Variants in MTMR9 observed in about 807,000 individuals in gnomAD.
MTMR9 encodes the protein myotubularin-related protein 9.
Under a neutral mutation model 69.5 loss-of-function variants are expected in MTMR9, and 39 were observed. The ratio of observed to expected loss-of-function variants is 0.56; its 90% CI spans 0.43 to 0.73. The LOEUF (loss-of-function observed/expected upper bound fraction) is 0.73. MTMR9 is among the 30% of genes least tolerant of loss of function. The probability of loss-of-function intolerance (pLI) is 0.00; values close to 1 mark genes in which losing one functional copy is unlikely to be tolerated. For synonymous variants in MTMR9, 354 were observed against 240.8 expected, an observed-to-expected ratio of 1.47 and a Z score of -4.35; for missense variants, 900 against 671.2, an observed-to-expected ratio of 1.34 and a Z score of -3.77.
rs1322519192 is a variant in MTMR9, at chr8:11,323,489, A to G, written c.*701A>G. On this transcript the variant is annotated 3_prime_UTR_variant, in exon 10 of 10. Transcript: ENST00000221086. ...GACACTAAAAGTATGTGCAATATAC[A>G]ATTAAAGTAGGAATTTGTTACTGAT... 2.0e-5 allele frequency: 3 copies of G among 152,272 alleles called. No homozygotes were observed. The highest frequency in any genetic ancestry group is 2.4e-5 in the African/African-American group (1 of 41,478). 9.4% of individuals were successfully genotyped at this position (152,272 alleles called of 1,614,324 possible).
At chr8:11,331,484 C>T (rs148633429), downstream of MTMR9, 56 of 1,613,832 alleles carry the variant, frequency 3.5e-5, no homozygotes, top group East Asian at 4.0e-4. Context: ...AGGTGGTGCC[C>T]GCTGGCAACG....
intron 3 of MTMR9, among the ~76,000 whole-genome samples, chr8:11,302,382 T>A (rs902914248): frequency 2.7e-5 from 4 of 150,264 alleles, no homozygotes; most frequent in Non-Finnish European, 5.9e-5. Context: ...ACCCTTAAGC[T>A]GAGGTATCCC....
rs1419642305 is a variant in MTMR9, at chr8:11,327,694, A to G, written c.*4906A>G. The G allele has an allele frequency of 6.6e-6, 1 of 152,636 alleles. No homozygotes were observed. Among genetic ancestry groups the G allele is most frequent in the African/African-American group, 2.4e-5 (1 of 41,450 alleles). 9.5% of individuals were successfully genotyped at this position (152,636 alleles called of 1,614,324 possible). A position where few individuals can be genotyped will look rare whatever the true frequency, so the allele number is the denominator to read the frequency against. On this transcript the variant is annotated 3_prime_UTR_variant, in exon 10 of 10. Transcript: ENST00000221086. The stretch of plus-strand genomic sequence containing the variant: ...GAATGTGACTCTTGGATTTAAGTGC[A>G]CTATTATTCATGGCTTATACAATAA...
intron 5 of MTMR9, among the ~76,000 whole-genome samples, chr8:11,309,242 G>A (rs529154366): frequency 2.1e-4 from 32 of 152,238 alleles, no homozygotes; most frequent in Non-Finnish European, 3.8e-4. Flanking sequence ...GTCATGAAAC[G>A]CAGGGCTCTG....
In MTMR9 at chr8:11,324,256, A is replaced by C. The variant is rs1404544205; in HGVS notation, c.*1468A>C. ...CACTGAGAAGCCTTTGAAAATGGCAAATACTTTTCATCACCAATTGCCCAA... is the reference window on the plus strand; with the variant it reads ...CACTGAGAAGCCTTTGAAAATGGCACATACTTTTCATCACCAATTGCCCAA... On this transcript the variant is annotated 3_prime_UTR_variant, in exon 10 of 10. Transcript: ENST00000221086. 1 of 152,342 alleles carries C rather than the reference A, an allele frequency of 6.6e-6. No homozygotes were observed. The highest frequency in any genetic ancestry group is 1.9e-4 in the East Asian group (1 of 5,190). 9.4% of individuals were successfully genotyped at this position (152,342 alleles called of 1,614,324 possible).
downstream of MTMR9, among the ~76,000 whole-genome samples, chr8:11,329,815 G>A (rs1321512779): frequency 6.7e-6 from 1 of 149,654 alleles, no homozygotes; most frequent in African/African-American, 2.5e-5. Flanking sequence ...CGGCTGCCCA[G>A]TCTGGGAAGT....
rs1220339710 is a variant in MTMR9 at position 11,316,747 on chromosome 8, A to AT, written c.1191dup (p.Leu398SerfsTer19). ...CCAAGCAGAAGTGGGAGGCTCCTGT[A>AT]TTTCTTCTCTTCTTGGACTGCGTGT... is the stretch of plus-strand genomic sequence containing the variant. On this transcript the variant is annotated frameshift_variant, in exon 8 of 10. Coordinates refer to ENST00000221086, the MANE Select transcript of MTMR9 (RefSeq NM_015458.4). LOFTEE classifies it high-confidence loss of function. 1 of 1,613,388 alleles carries AT rather than the reference A, an allele frequency of 6.2e-7. No homozygotes were observed. The highest frequency in any genetic ancestry group is 1.3e-5 in the African/African-American group (1 of 74,716).
chr8:11,308,621 C>T lies in MTMR9; in HGVS notation c.810-906C>T, dbSNP rs567006117. On this transcript the variant is annotated intron_variant, in intron 5 of 9. Coordinates refer to ENST00000221086, the MANE Select transcript of MTMR9 (RefSeq NM_015458.4). Reference sequence around the variant, plus strand: ...ATCCATTTCTTCTAGATTATCCAGTCAATTTGTTAATGTGTAATTGTTCAC... The same window carrying T: ...ATCCATTTCTTCTAGATTATCCAGTTAATTTGTTAATGTGTAATTGTTCAC... Among the ~76,000 whole-genome samples the T allele has an allele frequency of 2.6e-5, 4 of 152,244 alleles. No homozygotes were observed. In the East Asian group the frequency reaches 7.7e-4, roughly 29 times the overall value.
At position 11,319,735 on chromosome 8, in the gene MTMR9, T is replaced by TA; in HGVS notation, c.1385dup (p.Asn462LysfsTer5). 1 of 1,614,218 alleles carries TA rather than the reference T, an allele frequency of 6.2e-7. No individual in the cohort carries two copies. The highest frequency in any genetic ancestry group is 1.1e-5 in the South Asian group (1 of 91,090). On this transcript the variant is annotated frameshift_variant, in exon 9 of 10. Coordinates refer to ENST00000221086, the MANE Select transcript of MTMR9 (RefSeq NM_015458.4). LOFTEE classifies it high-confidence loss of function. ...AGACGATGTCTTTGTGGTCCTGGGTTAATCAGCCCAGTGAGCTGAGTAAAT... is the reference window on the plus strand; with the variant it reads ...AGACGATGTCTTTGTGGTCCTGGGTTAAATCAGCCCAGTGAGCTGAGTAAAT...
At chr8:11,311,595 G>T (rs1452710686) in intron 6 of MTMR9, among the ~76,000 whole-genome samples, 2 of 152,168 alleles carry the variant, frequency 1.3e-5, no homozygotes, top group Admixed American at 6.5e-5. Context: ...TACTTTATTG[G>T]TATTTGAGGT....
chr8:11,295,118 T>C, intron 1 of MTMR9, 76 bp from the exon 2 acceptor site: 1 of 786,790 alleles, frequency 1.3e-6, no homozygotes, highest in South Asian at 1.8e-5. Flanking sequence ...AACTATATTC[T>C]CTTTTCAAAG....
At chr8:11,321,391 C>T (rs1181631179) in intron 9 of MTMR9, 1 of 456,152 alleles carries the variant, frequency 2.2e-6, no homozygotes, top group East Asian at 6.9e-5. Flanking sequence ...GTACTTAAAG[C>T]CACTGTCACA....
chr8:11,330,403 C>A (rs1801166166), downstream of MTMR9, among the ~76,000 whole-genome samples: 1 of 152,224 alleles, frequency 6.6e-6, no homozygotes, highest in Admixed American at 6.5e-5. Context: ...CGGCCACCAC[C>A]CCGTCTGGGA....
chr8:11,327,096 A>G lies in MTMR9; in HGVS notation c.*4308A>G, dbSNP rs888687828. On this transcript the variant is annotated 3_prime_UTR_variant, in exon 10 of 10. Transcript: ENST00000221086. ...TATTTTCTTGAATAAAATTACTTCT[A>G]CCTTCATTTGGTCTTTATAATCCAC... 2.6e-5 allele frequency: 4 copies of G among 152,026 alleles called. No homozygotes were observed. The highest frequency in any genetic ancestry group is 2.1e-4 in the South Asian group (1 of 4,826). The allele number at this position is 152,026 out of a possible 1,614,324, so 9.4% of individuals were successfully genotyped here.
In MTMR9 at chr8:11,322,681, A is replaced by G; in HGVS notation, c.1543A>G (p.Met515Val). 1 of 1,613,970 alleles carries G rather than the reference A, an allele frequency of 6.2e-7. No individual in the cohort carries two copies. Among genetic ancestry groups the G allele is most frequent in the East Asian group, 2.2e-5 (1 of 44,888 alleles). ...GTATTTGGATGAAGCATATGAAGAAATGGTTAACATCATTGAATATAATAA... is the reference window on the plus strand; with the variant it reads ...GTATTTGGATGAAGCATATGAAGAAGTGGTTAACATCATTGAATATAATAA... ...SKYLDEAYEE[M>V]VNIIEYNKEL... Residue 515 changes from methionine to valine, a missense_variant, in exon 10 of 10, where the codon ATG becomes GTG. By Grantham distance (21) the Met-to-Val change is conservative. Transcript: ENST00000221086.
chr8:11,333,163 C>T, the MTMR9 span, among the ~76,000 whole-genome samples: 1 of 152,142 alleles, frequency 6.6e-6, no homozygotes, highest in Non-Finnish European at 1.5e-5. Context: ...GCCTCTACAA[C>T]AACCTCTAAT....
chr8:11,316,513 T>G, intron 7 of MTMR9, 160 bp from the exon 8 acceptor site: 1 of 462,590 alleles, frequency 2.2e-6, no homozygotes, highest in Non-Finnish European at 3.7e-6. Context: ...CGCTATTTAT[T>G]TTATACCAAG....
the MTMR9 span, among the ~76,000 whole-genome samples, chr8:11,338,937 G>C: frequency 6.6e-6 from 1 of 152,176 alleles, no homozygotes; most frequent in Admixed American, 6.5e-5. Flanking sequence ...TTTGAGGGCT[G>C]TTAGATATAA....
chr8:11,329,828 G>A (rs538181271), downstream of MTMR9, among the ~76,000 whole-genome samples: 3 of 151,650 alleles, frequency 2.0e-5, no homozygotes, highest in East Asian at 5.9e-4. Context: ...TGGGAAGTGA[G>A]GAGCGCCTCT....
Sources: allele counts gnomAD v4.1 joint callset (sites outside exome capture counted in the v4.1 genomes callset), GRCh38; gene constraint gnomAD v4.1.1; transcripts MANE v1.5; gene names NCBI Gene and HGNC (gene_info 2026-07-23, HGNC 2026-07-21).